ZNF570: variants seen among roughly 807,000 people sequenced by gnomAD.
ZNF570 encodes the protein zinc finger protein 570.
A neutral mutation model predicts 14.2 loss-of-function variants in ZNF570; 8 were observed. The ratio of observed to expected loss-of-function variants is 0.56; its 90% CI spans 0.33 to 1.02. ZNF570 has a LOEUF of 1.02. Among genes scored for constraint, ZNF570 ranks in the 50% least tolerant of loss-of-function variants. ZNF570 has a pLI of 0.03. For missense variants in ZNF570, 559 were observed against 624.9 expected (o/e 0.89, Z 1.12); for synonymous variants, 202 against 207.6 (o/e 0.97, Z 0.23).
chr19:37,468,962 C>T, upstream of ZNF570: 1 of 784,234 alleles, frequency 1.3e-6, no homozygotes, highest in Non-Finnish European at 1.5e-6. Flanking sequence ...GCGCCACTAG[C>T]GCGTTCCCAC....
chr19:37,470,312 G>T lies in ZNF570; in HGVS notation c.-43G>T. On this transcript the variant is annotated 5_prime_UTR_variant, in exon 2 of 5. In the 5' UTR this introduces an upstream ATG that the reference lacks. Transcript: ENST00000330173. ...TCTTTTCCCCATCTCAGTCATCTGA[G>T]GCCACTGCTATTTCCCAAGAGAAGA... 6.2e-7 allele frequency: 1 copy of T among 1,613,982 alleles called. No individual in the cohort carries two copies. Among genetic ancestry groups the T allele is most frequent in the South Asian group, 1.1e-5 (1 of 91,058 alleles).
At chr19:37,479,916 G>A (rs1229309071) in intron 4 of ZNF570, among the ~76,000 whole-genome samples, 1 of 152,076 alleles carries the variant, frequency 6.6e-6, no homozygotes, top group Non-Finnish European at 1.5e-5. Context: ...TTAAAATCCA[G>A]TCTGATAACC....
In ZNF570 at chr19:37,470,307, T is replaced by C; in HGVS notation, c.-48T>C. 6.2e-7 allele frequency: 1 copy of C among 1,614,014 alleles called. No homozygotes were observed. The highest frequency in any genetic ancestry group is 1.1e-5 in the South Asian group (1 of 91,076). The stretch of plus-strand genomic sequence containing the variant: ...CATGTTCTTTTCCCCATCTCAGTCA[T>C]CTGAGGCCACTGCTATTTCCCAAGA... On this transcript the variant is annotated 5_prime_UTR_variant, in exon 2 of 5. Transcript: ENST00000330173.
At chr19:37,479,195 T>C (rs951304117) in intron 4 of ZNF570, among the ~76,000 whole-genome samples, 3 of 142,068 alleles carry the variant, frequency 2.1e-5, no homozygotes, top group Non-Finnish European at 3.3e-5. Flanking sequence ...GGTATTTTTT[T>C]CTAAATATTT....
At chr19:37,472,256 T>C (rs1600376863) in intron 2 of ZNF570, among the ~76,000 whole-genome samples, 1 of 152,086 alleles carries the variant, frequency 6.6e-6, no homozygotes, top group East Asian at 1.9e-4. Context: ...TACCATCATC[T>C]CTCACCTGTG....
At chr19:37,472,461 C>T (rs1305167678) in intron 2 of ZNF570, among the ~76,000 whole-genome samples, 1 of 151,774 alleles carries the variant, frequency 6.6e-6, no homozygotes, top group Admixed American at 6.6e-5. Context: ...GAAGGAGAGA[C>T]CTGGGCACGG....
chr19:37,481,925 C>T (rs1453062319), intron 4 of ZNF570, among the ~76,000 whole-genome samples: 1 of 152,168 alleles, frequency 6.6e-6, no homozygotes, highest in Non-Finnish European at 1.5e-5. Flanking sequence ...TTTTCTATTT[C>T]TACAAAATTG....
rs916651739 is a variant in ZNF570, at chr19:37,485,384, A to G, written c.*151A>G. On this transcript the variant is annotated 3_prime_UTR_variant, in exon 5 of 5. Coordinates refer to ENST00000330173, the MANE Select transcript of ZNF570 (RefSeq NM_144694.5). ...TGCTACCTTTAAATCCATTTCCCAC[A>G]ATGCACTCAAACGGATCTTTTTTTT... The G allele has an allele frequency of 1.4e-6, 1 of 719,042 alleles. No individual in the cohort carries two copies. The highest frequency in any genetic ancestry group is 1.8e-5 in the African/African-American group (1 of 54,814). The allele number at this position is 719,042 out of a possible 1,614,324, so 44.5% of individuals were successfully genotyped here.
chr19:37,484,575 C>T lies in ZNF570; in HGVS notation c.953C>T (p.Ala318Val). Residue 318 changes from alanine to valine, a missense_variant, in exon 5 of 5, where the codon GCT (alanine) becomes GTT (valine). Ala to Val is a moderately conservative substitution (Grantham distance 64). Transcript: ENST00000330173. Reference protein sequence around the residue: ...RKAFSQFAYLAQHQRVHTGEK... With the variant: ...RKAFSQFAYLVQHQRVHTGEK... ...GCCTTCAGCCAGTTTGCCTACCTTG[C>T]TCAACATCAGAGAGTTCACACGGGA... is the stretch of plus-strand genomic sequence containing the variant. 6.2e-7 allele frequency: 1 copy of T among 1,614,140 alleles called. No homozygotes were observed. Among genetic ancestry groups the T allele is most frequent in the South Asian group, 1.1e-5 (1 of 91,078 alleles).
At chr19:37,469,316 C>T, upstream of ZNF570, 1 of 1,413,832 alleles carries the variant, frequency 7.1e-7, no homozygotes, top group Non-Finnish European at 9.2e-7. Context: ...GTTGGGCCGG[C>T]GGCCCCTTTG....
intron 1 of ZNF570, chr19:37,469,799 T>C (rs1385144820): frequency 5.2e-6 from 3 of 573,256 alleles, no homozygotes; most frequent in Admixed American, 6.0e-5. Flanking sequence ...AGGGTGCCCG[T>C]GTGAGGCAGT....
intron 2 of ZNF570, among the ~76,000 whole-genome samples, chr19:37,472,570 G>A (rs1021180465): frequency 9.2e-5 from 14 of 151,758 alleles, no homozygotes; most frequent in African/African-American, 1.7e-4. Context: ...CAGAAACCCC[G>A]TCTCTACTAA....
Position 37,476,367 on chromosome 19 carries a change from A to T in ZNF570, c.189A>T (p.Ile63=), listed in dbSNP as rs755899263. ...TTTGCTTTTCCAAACCAAGTGTGAT[A>T]TTATTGTTGGAACAAGGAAAAGCAC... The part of the protein sequence containing the change: ...LGLCFSKPSV[I]LLLEQGKAPW... Residue 63 remains isoleucine (I), a synonymous_variant, in exon 4 of 5, where the codon ATA becomes ATT. Coordinates refer to ENST00000330173, the MANE Select transcript of ZNF570 (RefSeq NM_144694.5). The T allele has an allele frequency of 6.2e-7, 1 of 1,613,888 alleles. No homozygotes were observed. Among genetic ancestry groups the T allele is most frequent in the Non-Finnish European group, 8.5e-7 (1 of 1,179,966 alleles).
At chr19:37,473,431 A>G (rs1253576606) in intron 2 of ZNF570, among the ~76,000 whole-genome samples, 1 of 152,102 alleles carries the variant, frequency 6.6e-6, no homozygotes, top group Non-Finnish European at 1.5e-5. Flanking sequence ...TGTGCTGGGA[A>G]GTGAGGGTAC....
rs1262842312 is a variant in ZNF570, at chr19:37,487,591, A to G, written c.*2358A>G. The G allele has an allele frequency of 6.6e-6, 1 of 152,208 alleles. No individual in the cohort carries two copies. The highest frequency in any genetic ancestry group is 1.5e-5 in the Non-Finnish European group (1 of 68,040). 9.4% of individuals were successfully genotyped at this position (152,208 alleles called of 1,614,324 possible). A position where few individuals can be genotyped will look rare whatever the true frequency, so the allele number is the denominator to read the frequency against. On this transcript the variant is annotated 3_prime_UTR_variant, in exon 5 of 5. Coordinates refer to ENST00000330173, the MANE Select transcript of ZNF570 (RefSeq NM_144694.5). ...AAAACGGAAGAGTAACAAGAAACTAAATCAAGGAGCATTATATAGCCTAGA... is the reference window on the plus strand; with the variant it reads ...AAAACGGAAGAGTAACAAGAAACTAGATCAAGGAGCATTATATAGCCTAGA...
At chr19:37,480,048 A>G (rs2042069066) in intron 4 of ZNF570, among the ~76,000 whole-genome samples, 2 of 152,128 alleles carry the variant, frequency 1.3e-5, no homozygotes, top group Middle Eastern at 6.8e-3. Flanking sequence ...AATTTTTCTT[A>G]TTTCTTGGTT....
In ZNF570 at chr19:37,487,849, G is replaced by A. The variant is rs1256580076; in HGVS notation, c.*2616G>A. On this transcript the variant is annotated 3_prime_UTR_variant, in exon 5 of 5. Transcript: ENST00000330173. ...TATGATGATGGTTCATACCAGTAGA[G>A]AGAAAGATTGGATTTGGGGGTATTA... The A allele has an allele frequency of 6.6e-6, 1 of 152,156 alleles. No individual in the cohort carries two copies. Among genetic ancestry groups the A allele is most frequent in the Non-Finnish European group, 1.5e-5 (1 of 68,026 alleles). The allele number at this position is 152,156 out of a possible 1,614,324, so 9.4% of individuals were successfully genotyped here. A position where few individuals can be genotyped will look rare whatever the true frequency, so the allele number is the denominator to read the frequency against.
Position 37,488,288 on chromosome 19 carries a change from T to C in ZNF570, c.*3055T>C, listed in dbSNP as rs1422690410. ...GGGTAAACCTCAAAAATAGTATTAA[T>C]GAAATTGAACTACAGACTATTTTAT... is the stretch of plus-strand genomic sequence containing the variant. On this transcript the variant is annotated 3_prime_UTR_variant, in exon 5 of 5. Coordinates refer to ENST00000330173, the MANE Select transcript of ZNF570 (RefSeq NM_144694.5). 1.3e-5 allele frequency: 2 copies of C among 152,196 alleles called. No individual in the cohort carries two copies. Among genetic ancestry groups the C allele is most frequent in the East Asian group, 3.8e-4 (2 of 5,196 alleles). 9.4% of individuals were successfully genotyped at this position (152,196 alleles called of 1,614,324 possible). A position where few individuals can be genotyped will look rare whatever the true frequency, so the allele number is the denominator to read the frequency against.
At chr19:37,471,351 G>T (rs981764158) in intron 2 of ZNF570, among the ~76,000 whole-genome samples, 1 of 152,112 alleles carries the variant, frequency 6.6e-6, no homozygotes, top group Non-Finnish European at 1.5e-5. Context: ...CCTTGCACTT[G>T]CTATTCTCTC....
Sources: gnomAD v4.1 joint callset for allele counts (sites outside exome capture counted in the v4.1 genomes callset) on GRCh38, gnomAD v4.1.1 for gene constraint, MANE v1.5 for transcripts, NCBI Gene and HGNC (gene_info 2026-07-23, HGNC 2026-07-21) for gene names.